The following TOMM20 variants were observed in gnomAD, a reference collection of about 807,000 sequenced individuals.
The protein encoded by TOMM20 is mitochondrial import receptor subunit TOM20 homolog.
Under a neutral mutation model 22.1 loss-of-function variants are expected in TOMM20, and 10 were observed. That is an observed-to-expected ratio of 0.45 (90% CI 0.28 to 0.77). The LOEUF is 0.77. TOMM20 is among the 30% of genes least tolerant of loss of function. The probability of loss-of-function intolerance (pLI) is 0.13; values close to 1 mark genes in which losing one functional copy is unlikely to be tolerated. For missense variants in TOMM20, 121 were observed against 172.2 expected (o/e 0.70, Z 1.66); for synonymous variants, 55 against 61.4 (o/e 0.90, Z 0.49).
intron 3 of TOMM20, among the ~76,000 whole-genome samples, chr1:235,116,105 G>A (rs947619417): frequency 6.6e-6 from 1 of 152,166 alleles, no homozygotes; most frequent in Non-Finnish European, 1.5e-5. Context: ...TAGCATGCAA[G>A]TAAAGTAAAT....
chr1:235,113,980 C>T, intron 3 of TOMM20, 70 bp from the exon 4 acceptor site: 1 of 1,489,928 alleles, frequency 6.7e-7, no homozygotes, highest in African/African-American at 1.4e-5. Flanking sequence ...ACTTTACACA[C>T]TATCTCCAAA....
Position 235,128,683 on chromosome 1 carries a change from A to G in TOMM20, c.33T>C (p.Gly11=), listed in dbSNP as rs777568260. Residue 11 remains glycine, a synonymous_variant, in exon 1 of 5, where the codon GGT becomes GGC. Coordinates refer to ENST00000366607, the MANE Select transcript of TOMM20 (RefSeq NM_014765.3). MVGRNSAIAA[G]VCGALFIGYC... The stretch of plus-strand genomic sequence containing the variant: ...ACCCAATGAAAAGGGCCCCGCATAC[A>G]CCGGCGGCGATGGCGCTGTTCCGAC... The G allele has an allele frequency of 6.2e-7, 1 of 1,614,078 alleles. No homozygotes were observed. The highest frequency in any genetic ancestry group is 8.5e-7 in the Non-Finnish European group (1 of 1,179,940).
At chr1:235,125,742 C>T (rs2102813575) in intron 1 of TOMM20, among the ~76,000 whole-genome samples, 1 of 141,312 alleles carries the variant, frequency 7.1e-6, no homozygotes, top group South Asian at 2.2e-4. Flanking sequence ...CGCAACTGCA[C>T]TTTTTTTTTT....
intron 2 of TOMM20, among the ~76,000 whole-genome samples, chr1:235,121,197 CAA>C (rs5781819): frequency 6.3e-5 from 8 of 126,436 alleles, no homozygotes; most frequent in Admixed American, 7.7e-5. Flanking sequence ...GACTCCATCT[CAA>C]AAAAAAAAAA....
chr1:235,125,431 G>A (rs949976904), intron 1 of TOMM20, among the ~76,000 whole-genome samples: 1 of 152,030 alleles, frequency 6.6e-6, no homozygotes, highest in African/African-American at 2.4e-5. Context: ...TAGCCAGGAT[G>A]GTCTCGATCT....
intron 3 of TOMM20, among the ~76,000 whole-genome samples, chr1:235,118,046 G>A (rs1660863863): frequency 6.6e-6 from 1 of 152,168 alleles, no homozygotes; most frequent in African/African-American, 2.4e-5. Context: ...TCAAAAGACT[G>A]GCTAAGTCAG....
chr1:235,116,921 G>A (rs551913679), intron 3 of TOMM20, among the ~76,000 whole-genome samples: 2 of 149,090 alleles, frequency 1.3e-5, no homozygotes, highest in African/African-American at 2.5e-5. Context: ...GGATCACAAG[G>A]TCAGGAGATC....
rs554952791 is a variant in TOMM20, at chr1:235,120,919, T to C, written c.169-1020A>G. Among the ~76,000 whole-genome samples, 3 of 148,898 alleles carry C rather than the reference T, an allele frequency of 2.0e-5. No individual in the cohort carries two copies. In the East Asian group the frequency reaches 6.0e-4, roughly 30 times the overall value. On this transcript the variant is annotated intron_variant, in intron 2 of 4. Coordinates refer to ENST00000366607, the MANE Select transcript of TOMM20 (RefSeq NM_014765.3). ...TTTTATTTGAAAACCTGAACTTCAG[T>C]AGCTGGGTGCGGTGGCTCATGCCTG...
At chr1:235,128,096 C>T (rs1479156096) in intron 1 of TOMM20, among the ~76,000 whole-genome samples, 1 of 152,152 alleles carries the variant, frequency 6.6e-6, no homozygotes, top group African/African-American at 2.4e-5. Context: ...AGCGCTTGAA[C>T]TCGGGAGGCG....
At position 235,120,598 on chromosome 1, in the gene TOMM20, G is replaced by C. The variant is rs552876542; in HGVS notation, c.169-699C>G. Among the ~76,000 whole-genome samples, 384 of 151,674 alleles carry C rather than the reference G, an allele frequency of 2.5e-3. 3 individuals are homozygous for C. The highest frequency in any genetic ancestry group is 8.6e-3 in the African/African-American group (355 of 41,410). On this transcript the variant is annotated intron_variant, in intron 2 of 4. Transcript: ENST00000366607. ...ACATGCATCTAAAAGACTGTTTTTT[G>C]AGACAGGGTCTCACTCTGTCGCCCA...
At chr1:235,117,259 T>C (rs533105627) in intron 3 of TOMM20, among the ~76,000 whole-genome samples, 2 of 145,452 alleles carry the variant, frequency 1.4e-5, no homozygotes, top group South Asian at 2.3e-4. Flanking sequence ...GGAGTTTGAC[T>C]AGCCTGACCA....
At chr1:235,117,451 A>G (rs1445982181) in intron 3 of TOMM20, among the ~76,000 whole-genome samples, 1 of 147,770 alleles carries the variant, frequency 6.8e-6, no homozygotes, top group African/African-American at 2.6e-5. Context: ...TGGGTGACAG[A>G]GTAAAACTCC....
At chr1:235,127,360 G>C (rs941277602) in intron 1 of TOMM20, among the ~76,000 whole-genome samples, 2 of 152,196 alleles carry the variant, frequency 1.3e-5, no homozygotes, top group Non-Finnish European at 2.9e-5. Flanking sequence ...CCTGGCCCTA[G>C]AAATTCAAGG....
At chr1:235,124,724 C>G (rs1184104759) in intron 1 of TOMM20, among the ~76,000 whole-genome samples, 1 of 152,120 alleles carries the variant, frequency 6.6e-6, no homozygotes, top group Non-Finnish European at 1.5e-5. Context: ...ATACATTTAA[C>G]TGATACAGCT....
chr1:235,123,358 G>A (rs1048881146), intron 1 of TOMM20, among the ~76,000 whole-genome samples: 20 of 152,246 alleles, frequency 1.3e-4, no homozygotes, highest in Admixed American at 4.6e-4. Flanking sequence ...GGTGGCGGGC[G>A]CCTGTAGTCC....
chr1:235,111,908 T>C lies in TOMM20; in HGVS notation c.*156A>G. On this transcript the variant is annotated 3_prime_UTR_variant, in exon 5 of 5. Coordinates refer to ENST00000366607, the MANE Select transcript of TOMM20 (RefSeq NM_014765.3). The stretch of plus-strand genomic sequence containing the variant: ...TTTTCACTGGGAAAAATAAATAAAA[T>C]AGACAAATGGATCTACACAAAGTAA... 6 of 684,160 alleles carry C rather than the reference T, an allele frequency of 8.8e-6. No homozygotes were observed. The highest frequency in any genetic ancestry group is 1.5e-5 in the Non-Finnish European group (6 of 389,042). 42.4% of individuals were successfully genotyped at this position (684,160 alleles called of 1,614,324 possible).
At chr1:235,112,181 GCT>G in intron 4 of TOMM20, 73 bp from the exon 5 acceptor site, 2 of 1,195,046 alleles carry the variant, frequency 1.7e-6, no homozygotes, top group East Asian at 2.6e-5. Flanking sequence ...AAAATAAAAT[GCT>G]CTTTGTATTC....
intron 3 of TOMM20, among the ~76,000 whole-genome samples, chr1:235,114,595 G>A (rs543694468): frequency 8.6e-5 from 13 of 151,698 alleles, no homozygotes; most frequent in Admixed American, 2.0e-4. Flanking sequence ...CCACCACCAC[G>A]CCCGGCTAAT....
chr1:235,119,510 A>C (rs747819340), intron 3 of TOMM20: 1 of 203,122 alleles, frequency 4.9e-6, no homozygotes, highest in Non-Finnish European at 9.9e-6. Context: ...TACATTAGAA[A>C]CTACTTCAGA....
Sources: allele counts gnomAD v4.1 joint callset (sites outside exome capture counted in the v4.1 genomes callset), GRCh38; gene constraint gnomAD v4.1.1; transcripts MANE v1.5; gene names NCBI Gene and HGNC (gene_info 2026-07-23, HGNC 2026-07-21).